RIMS2: variants seen among roughly 807,000 people sequenced by gnomAD.
RIMS2 encodes the protein regulating synaptic membrane exocytosis 2.
In RIMS2, 59 loss-of-function variants were observed where a neutral mutation model predicts 174.4. The ratio of observed to expected loss-of-function variants is 0.34; its 90% CI spans 0.27 to 0.42. The LOEUF (loss-of-function observed/expected upper bound fraction) is 0.42. Among genes scored for constraint, RIMS2 ranks in the 10% least tolerant of loss-of-function variants. RIMS2 has a pLI of 1.00. For missense variants in RIMS2, 1,620 were observed against 1,666.3 expected, an observed-to-expected ratio of 0.97 and a Z score of 0.48; for synonymous variants, 606 against 572.5, an observed-to-expected ratio of 1.06 and a Z score of -0.84.
intron 2 of RIMS2, among the ~76,000 whole-genome samples, chr8:103,713,742 G>A (rs1222329762): frequency 6.6e-6 from 1 of 152,098 alleles, no homozygotes; most frequent in Non-Finnish European, 1.5e-5. Context: ...GTTTAAAAAT[G>A]ATTCAGTGAC....
In RIMS2 at chr8:103,925,572, G is replaced by A. The variant is rs548800790; in HGVS notation, c.2197-2270G>A. On this transcript the variant is annotated intron_variant, in intron 10 of 23. Transcript: ENST00000504942. ...TTAAAAATGCAAAATGAATTGTGGG[G>A]TACAAATTCAGATTCTTCATTTGTA... Among the ~76,000 whole-genome samples the A allele has an allele frequency of 2.6e-5, 4 of 151,540 alleles. No individual in the cohort carries two copies. In the South Asian group the frequency reaches 8.3e-4, roughly 31 times the overall value.
At chr8:103,646,477 T>A (rs62527087) in intron 1 of RIMS2, among the ~76,000 whole-genome samples, 7,701 of 152,160 alleles carry the variant, frequency 0.051, 273 homozygotes, top group Middle Eastern at 0.078. Context: ...GCTGCACACA[T>A]CATCCCACAA....
chr8:104,124,425 T>C (rs962052593), intron 19 of RIMS2, among the ~76,000 whole-genome samples: 2 of 152,070 alleles, frequency 1.3e-5, no homozygotes, highest in African/African-American at 2.4e-5. Context: ...AGTTAGTGAG[T>C]TCATTTTGCC....
chr8:103,907,941 G>A (rs1385168300), intron 4 of RIMS2, among the ~76,000 whole-genome samples: 1 of 150,634 alleles, frequency 6.6e-6, no homozygotes, highest in Non-Finnish European at 1.5e-5. Context: ...GTAGAGACGG[G>A]GTTTCACCGT....
chr8:104,127,257 G>A (rs2098439341), intron 19 of RIMS2, among the ~76,000 whole-genome samples: 1 of 152,058 alleles, frequency 6.6e-6, no homozygotes, highest in African/African-American at 2.4e-5. Context: ...GCCACTTACA[G>A]CTGTACTTGT....
chr8:103,543,082 C>G (rs1323387284), intron 1 of RIMS2, among the ~76,000 whole-genome samples: 1 of 152,118 alleles, frequency 6.6e-6, no homozygotes, highest in South Asian at 2.1e-4. Context: ...GTTAAATTGT[C>G]TGTATTTGCA....
chr8:104,178,577 T>A (rs2098919965), intron 19 of RIMS2, among the ~76,000 whole-genome samples: 1 of 152,186 alleles, frequency 6.6e-6, no homozygotes, highest in Non-Finnish European at 1.5e-5. Context: ...CCTAGTCTAG[T>A]GTTTGAATAG....
At position 104,229,281 on chromosome 8, in the gene RIMS2, T is replaced by C. The variant is rs543112678; in HGVS notation, c.3335-15635T>C. The stretch of plus-strand genomic sequence containing the variant: ...TATTAAATAGGCCCCTATTTATGGA[T>C]CAGACAAGATCATTCTGTATATTTG... On this transcript the variant is annotated intron_variant, in intron 19 of 23. Coordinates refer to ENST00000504942, the Ensembl canonical transcript of RIMS2. Among the ~76,000 whole-genome samples, 93 of 152,310 alleles carry C rather than the reference T, an allele frequency of 6.1e-4. 1 individual carries two copies. Among genetic ancestry groups the C allele is most frequent in the African/African-American group, 2.0e-3 (85 of 41,576 alleles).
intron 19 of RIMS2, among the ~76,000 whole-genome samples, chr8:104,242,144 T>C (rs1023422830): frequency 1.3e-5 from 2 of 152,120 alleles, no homozygotes; most frequent in Non-Finnish European, 2.9e-5. Context: ...CTCTGCATTC[T>C]CATTCTTTCA....
At chr8:103,505,360 G>T (rs12114100) in intron 1 of RIMS2, among the ~76,000 whole-genome samples, 7,315 of 152,142 alleles carry the variant, frequency 0.048, 588 homozygotes, top group African/African-American at 0.17. Flanking sequence ...AATGTGTCCT[G>T]CAGTTTGCTT....
At chr8:103,671,230 G>A (rs542030242) in intron 1 of RIMS2, among the ~76,000 whole-genome samples, 3 of 152,210 alleles carry the variant, frequency 2.0e-5, no homozygotes, top group Admixed American at 6.5e-5. Context: ...CCCACCGAGT[G>A]CCTCCCAAAA....
intron 1 of RIMS2, among the ~76,000 whole-genome samples, chr8:103,678,104 A>G (rs1005010322): frequency 3.9e-5 from 6 of 152,196 alleles, no homozygotes; most frequent in Non-Finnish European, 7.3e-5. Flanking sequence ...TTAATTTAAT[A>G]GACTTAATTA....
chr8:103,728,045 A>G (rs2097545169), intron 2 of RIMS2, among the ~76,000 whole-genome samples: 1 of 152,120 alleles, frequency 6.6e-6, no homozygotes. Context: ...CACTTTAACA[A>G]TACTGATTTT....
chr8:104,161,411 A>G (rs1209952848), intron 19 of RIMS2, among the ~76,000 whole-genome samples: 1 of 152,316 alleles, frequency 6.6e-6, no homozygotes, highest in East Asian at 1.9e-4. Flanking sequence ...AAATGAGACT[A>G]GCAATAGAGA....
At chr8:103,888,782 G>GA (rs1308832353) in intron 4 of RIMS2, among the ~76,000 whole-genome samples, 2 of 151,354 alleles carry the variant, frequency 1.3e-5, no homozygotes, top group African/African-American at 4.8e-5. Flanking sequence ...ATCAAATATA[G>GA]AAAAAAATGG....
At chr8:104,176,592 G>A (rs921693168) in intron 19 of RIMS2, among the ~76,000 whole-genome samples, 2 of 151,688 alleles carry the variant, frequency 1.3e-5, no homozygotes, top group African/African-American at 2.4e-5. Context: ...AAGCTAAGCC[G>A]TTTTATAATG....
At chr8:104,044,200 C>A (rs1051734252) in intron 19 of RIMS2, among the ~76,000 whole-genome samples, 1 of 151,390 alleles carries the variant, frequency 6.6e-6, no homozygotes, top group Admixed American at 6.6e-5. Flanking sequence ...GGGTTTCAGA[C>A]CACAGTAGAA....
intron 19 of RIMS2, among the ~76,000 whole-genome samples, chr8:104,242,170 C>A (rs1395058269): frequency 6.6e-6 from 1 of 152,000 alleles, no homozygotes; most frequent in Admixed American, 6.6e-5. Context: ...CCTTAACATT[C>A]TCCCTCATTT....
intron 19 of RIMS2, among the ~76,000 whole-genome samples, chr8:104,140,765 G>A (rs1013915460): frequency 4.6e-5 from 7 of 152,240 alleles, no homozygotes; most frequent in African/African-American, 1.4e-4. Context: ...GTTTGCTAAA[G>A]GAATCAATCA....
Sources: gnomAD v4.1 joint callset for allele counts (sites outside exome capture counted in the v4.1 genomes callset) on GRCh38, gnomAD v4.1.1 for gene constraint, MANE v1.5 for transcripts, NCBI Gene and HGNC (gene_info 2026-07-23, HGNC 2026-07-21) for gene names.